The following LRMDA variants were observed in gnomAD, a reference collection of about 807,000 sequenced individuals.
The protein encoded by LRMDA is leucine rich melanocyte differentiation associated.
In LRMDA, 18 loss-of-function variants were observed where a neutral mutation model predicts 29.8. The observed-to-expected ratio is 0.60, with a 90% CI of 0.42 to 0.90. The LOEUF (loss-of-function observed/expected upper bound fraction) is 0.90, where lower values mean the gene tolerates loss of function less well. Ranked by LOEUF, LRMDA falls within the 40% of genes least tolerant of loss-of-function variation. The pLI is 0.00. For synonymous variants in LRMDA, 125 were observed against 109.4 expected, an observed-to-expected ratio of 1.14 and a Z score of -0.89; for missense variants, 273 against 273.9, an observed-to-expected ratio of 1.00 and a Z score of 0.02.
At chr10:76,447,053 C>T (rs1029978856) in intron 6 of LRMDA, among the ~76,000 whole-genome samples, 1 of 146,016 alleles carries the variant, frequency 6.8e-6, no homozygotes. Flanking sequence ...TGATTTCTTT[C>T]TTTTTTTTTT....
intron 6 of LRMDA, among the ~76,000 whole-genome samples, chr10:76,517,411 A>C (rs562604504): frequency 6.6e-6 from 1 of 152,150 alleles, no homozygotes; most frequent in Admixed American, 6.5e-5. Context: ...CTTGGCATCA[A>C]AATGGAAGCA....
In LRMDA at chr10:76,417,542, T is replaced by G. The variant is rs1453144622; in HGVS notation, c.601+93057T>G. On this transcript the variant is annotated intron_variant, in intron 6 of 6. Transcript: ENST00000611255. Reference sequence around the variant, plus strand: ...TCTCATATCGCACCCTAGGCACTACTTCTTCCTCCATAAAGGTAGCCAACA... The same window carrying G: ...TCTCATATCGCACCCTAGGCACTACGTCTTCCTCCATAAAGGTAGCCAACA... 2.6e-5 allele frequency among the ~76,000 whole-genome samples: 4 copies of G among 152,256 alleles called. No homozygotes were observed. In the East Asian group the frequency reaches 5.8e-4, roughly 22 times the overall value.
chr10:76,253,452 T>G (rs1346571730), intron 5 of LRMDA, among the ~76,000 whole-genome samples: 1 of 151,224 alleles, frequency 6.6e-6, no homozygotes, highest in Non-Finnish European at 1.5e-5. Flanking sequence ...GAATAACTGT[T>G]TCTAAAAGAC....
chr10:76,153,308 T>A lies in LRMDA; in HGVS notation c.516+94525T>A, dbSNP rs187809117. On this transcript the variant is annotated intron_variant, in intron 5 of 6. Coordinates refer to ENST00000611255, the MANE Select transcript of LRMDA (RefSeq NM_001305581.2). ...TTGGTAGTATTTCTGATAAACAAAA[T>A]TTTTAATTTTGATGAAATTCAATGT... Among the ~76,000 whole-genome samples the A allele has an allele frequency of 3.5e-3, 530 of 152,350 alleles. 3 individuals carry two copies. The highest frequency in any genetic ancestry group is 0.012 in the African/African-American group (504 of 41,580).
chr10:76,095,346 A>G (rs759150373), intron 5 of LRMDA, among the ~76,000 whole-genome samples: 1 of 152,202 alleles, frequency 6.6e-6, no homozygotes, highest in African/African-American at 2.4e-5. Flanking sequence ...TTTTTCACAT[A>G]TGGATGTACT....
chr10:75,979,356 A>G (rs1248160150), intron 2 of LRMDA, among the ~76,000 whole-genome samples: 2 of 152,212 alleles, frequency 1.3e-5, no homozygotes, highest in Non-Finnish European at 2.9e-5. Context: ...ACACAGCTAT[A>G]AATAATGACT....
At chr10:76,342,667 G>A (rs1028618258) in intron 6 of LRMDA, among the ~76,000 whole-genome samples, 2 of 151,752 alleles carry the variant, frequency 1.3e-5, no homozygotes, top group African/African-American at 4.8e-5. Flanking sequence ...AAAATAAAAA[G>A]CCATAGAAAC....
At chr10:75,983,984 C>T (rs961649627) in intron 2 of LRMDA, among the ~76,000 whole-genome samples, 1 of 152,132 alleles carries the variant, frequency 6.6e-6, no homozygotes, top group Non-Finnish European at 1.5e-5. Context: ...TCCTGAGTTT[C>T]CTTTCCTCCT....
chr10:75,607,366 AT>A (rs1447409382), intron 2 of LRMDA, among the ~76,000 whole-genome samples: 1 of 152,160 alleles, frequency 6.6e-6, no homozygotes, highest in Non-Finnish European at 1.5e-5. Context: ...CCTACATGAT[AT>A]TTTCCCCTCA....
rs1422587569 is a variant in LRMDA, at chr10:75,471,730, G to A, written c.131+33236G>A. 2.6e-5 allele frequency among the ~76,000 whole-genome samples: 4 copies of A among 152,186 alleles called. No individual in the cohort carries two copies. The East Asian group carries it at 7.7e-4, about 29-fold the overall frequency. On this transcript the variant is annotated intron_variant, in intron 2 of 6. Coordinates refer to ENST00000611255, the MANE Select transcript of LRMDA (RefSeq NM_001305581.2). ...TGCTGACGTACTTTAATGTAAACCA[G>A]TCCCTGAAAAGTTGAATGTTTATTT...
At chr10:76,254,968 T>C (rs1418778727) in intron 5 of LRMDA, among the ~76,000 whole-genome samples, 1 of 152,212 alleles carries the variant, frequency 6.6e-6, no homozygotes, top group Non-Finnish European at 1.5e-5. Context: ...CCACTTAACC[T>C]TGAACTCAAT....
chr10:75,986,203 A>G (rs984887379), intron 2 of LRMDA, among the ~76,000 whole-genome samples: 3 of 152,188 alleles, frequency 2.0e-5, no homozygotes, highest in Admixed American at 1.3e-4. Flanking sequence ...TTAAAGATCA[A>G]TAAGATATGG....
intron 2 of LRMDA, among the ~76,000 whole-genome samples, chr10:75,846,208 T>TGTGTGC (rs1844635196): frequency 2.6e-5 from 4 of 151,818 alleles, no homozygotes; most frequent in Admixed American, 2.6e-4. Flanking sequence ...TGTGTGTGTG[T>TGTGTGC]GTGTGTGTAT....
Position 75,470,401 on chromosome 10 carries a change from G to A in LRMDA, c.131+31907G>A, listed in dbSNP as rs1393392212. The stretch of plus-strand genomic sequence containing the variant: ...AATTCCAGCTACTGGAGAGGCTGAT[G>A]CATGAGAATCACTTGAACCCAGGAG... On this transcript the variant is annotated intron_variant, in intron 2 of 6. Coordinates refer to ENST00000611255, the MANE Select transcript of LRMDA (RefSeq NM_001305581.2). Among the ~76,000 whole-genome samples the A allele has an allele frequency of 2.0e-5, 3 of 152,210 alleles. 1 individual carries two copies. The highest frequency in any genetic ancestry group is 2.0e-4 in the Admixed American group (3 of 15,288).
intron 5 of LRMDA, among the ~76,000 whole-genome samples, chr10:76,088,992 T>C (rs375777446): frequency 1.3e-5 from 2 of 152,218 alleles, no homozygotes; most frequent in Non-Finnish European, 2.9e-5. Flanking sequence ...ACACCTAACA[T>C]TTATTAAGTT....
At chr10:75,550,421 T>G (rs1489077857) in intron 2 of LRMDA, among the ~76,000 whole-genome samples, 2 of 152,248 alleles carry the variant, frequency 1.3e-5, no homozygotes, top group East Asian at 3.9e-4. Flanking sequence ...ATGAACTGAG[T>G]CTTTGTTCCT....
At chr10:76,158,301 T>C (rs543331606) in intron 5 of LRMDA, among the ~76,000 whole-genome samples, 95 of 152,294 alleles carry the variant, frequency 6.2e-4, no homozygotes, top group African/African-American at 2.2e-3. Flanking sequence ...CCTTCATTTT[T>C]GCTTTCCTAT....
chr10:76,168,165 C>T (rs1381977839), intron 5 of LRMDA, among the ~76,000 whole-genome samples: 1 of 152,192 alleles, frequency 6.6e-6, no homozygotes, highest in Non-Finnish European at 1.5e-5. Context: ...CTGTCTCTCT[C>T]CTCTTCCATA....
chr10:75,797,533 C>A (rs1843673311), intron 2 of LRMDA, among the ~76,000 whole-genome samples: 2 of 152,084 alleles, frequency 1.3e-5, no homozygotes, highest in South Asian at 4.1e-4. Context: ...TCCCTTATGT[C>A]CATTTGCCGT....
Sources: gnomAD v4.1 joint callset for allele counts (sites outside exome capture counted in the v4.1 genomes callset) on GRCh38, gnomAD v4.1.1 for gene constraint, MANE v1.5 for transcripts, NCBI Gene and HGNC (gene_info 2026-07-23, HGNC 2026-07-21) for gene names.